The following CHRNA7 variants were observed in gnomAD, a reference collection of about 807,000 sequenced individuals.
CHRNA7 encodes neuronal acetylcholine receptor subunit alpha-7.
A neutral mutation model predicts 48.0 loss-of-function variants in CHRNA7; 17 were observed. The observed-to-expected ratio is 0.35, with a 90% CI of 0.24 to 0.53. CHRNA7 has a LOEUF of 0.53. Among genes scored for constraint, CHRNA7 ranks in the 20% least tolerant of loss-of-function variants. The pLI is 0.92. For synonymous variants in CHRNA7, 75 were observed against 242.3 expected, an observed-to-expected ratio of 0.31 and a Z score of 6.41; for missense variants, 155 against 577.7, an observed-to-expected ratio of 0.27 and a Z score of 7.50.
intron 3 of CHRNA7, among the ~76,000 whole-genome samples, chr15:32,105,053 A>C (rs1442619992): frequency 6.6e-6 from 1 of 152,228 alleles, no homozygotes; most frequent in Non-Finnish European, 1.5e-5. Context: ...TGGAATTCAG[A>C]TGCTCCACAA....
chr15:32,143,374 G>A (rs1459145303), intron 4 of CHRNA7, among the ~76,000 whole-genome samples: 1 of 152,210 alleles, frequency 6.6e-6, no homozygotes, highest in East Asian at 1.9e-4. Flanking sequence ...GTGCAATGTG[G>A]TGCTGAGAAG....
intron 5 of CHRNA7, among the ~76,000 whole-genome samples, chr15:32,154,603 G>A (rs1434130712): frequency 3.7e-5 from 1 of 27,300 alleles, no homozygotes; most frequent in East Asian, 1.2e-3. Context: ...AGGGAAATGG[G>A]TTTATGGCCT....
chr15:32,094,854 G>A lies in CHRNA7; in HGVS notation c.196-6449G>A, dbSNP rs182031688. On this transcript the variant is annotated intron_variant, in intron 2 of 9. Coordinates refer to ENST00000306901, the MANE Select transcript of CHRNA7 (RefSeq NM_000746.6). ...TTTTTGTATTTTTATTAGAGACGGG[G>A]TTTCACCATGGTCTTGATCTCCTGG... 1.6e-3 allele frequency among the ~76,000 whole-genome samples: 245 copies of A among 152,196 alleles called. 1 individual carries two copies. The highest frequency in any genetic ancestry group is 5.5e-3 in the African/African-American group (229 of 41,536).
chr15:32,110,312 G>C (rs1449165696), intron 3 of CHRNA7, among the ~76,000 whole-genome samples: 1 of 152,178 alleles, frequency 6.6e-6, no homozygotes, highest in Non-Finnish European at 1.5e-5. Context: ...AAGACAACTA[G>C]GACAAGACCC....
intron 2 of CHRNA7, among the ~76,000 whole-genome samples, chr15:32,049,440 T>C (rs1037896840): frequency 2.6e-5 from 4 of 152,158 alleles, no homozygotes; most frequent in South Asian, 2.1e-4. Context: ...TGGTTTAAAG[T>C]CTGTTTTATC....
In CHRNA7 at chr15:32,138,731, A is replaced by T. The variant is rs28637819; in HGVS notation, c.351-15176A>T. 2.4e-4 allele frequency among the ~76,000 whole-genome samples: 35 copies of T among 146,220 alleles called. No individual in the cohort carries two copies. The East Asian group carries it at 4.3e-3, about 18-fold the overall frequency. Reference sequence around the variant, plus strand: ...AATCCATGGCAGCCATTGACCTGTTATGTTTTGTTTTGTTTTGTTTTGTTT... The same window carrying T: ...AATCCATGGCAGCCATTGACCTGTTTTGTTTTGTTTTGTTTTGTTTTGTTT... On this transcript the variant is annotated intron_variant, in intron 4 of 9. Transcript: ENST00000306901.
chr15:32,110,399 G>C (rs1170515343), intron 3 of CHRNA7, among the ~76,000 whole-genome samples: 1 of 152,204 alleles, frequency 6.6e-6, no homozygotes, highest in Admixed American at 6.5e-5. Context: ...GGCAGCTGTC[G>C]ATCCTGAATG....
chr15:32,130,164 C>G (rs1332842566), intron 4 of CHRNA7, among the ~76,000 whole-genome samples: 1 of 151,956 alleles, frequency 6.6e-6, no homozygotes, highest in Non-Finnish European at 1.5e-5. Flanking sequence ...TGTTGGTAGA[C>G]AGTTTCCTAA....
chr15:32,044,163 C>T (rs533071285), intron 2 of CHRNA7, among the ~76,000 whole-genome samples: 13 of 152,142 alleles, frequency 8.5e-5, no homozygotes, highest in African/African-American at 2.9e-4. Context: ...TTTGTTTTAC[C>T]TGCTTGGGAT....
intron 2 of CHRNA7, among the ~76,000 whole-genome samples, chr15:32,050,478 C>G (rs969770072): frequency 2.0e-5 from 3 of 152,174 alleles, no homozygotes; most frequent in African/African-American, 7.2e-5. Flanking sequence ...AGTTCTCGAG[C>G]CTTGGCTTTC....
intron 4 of CHRNA7, among the ~76,000 whole-genome samples, chr15:32,147,206 A>G (rs903248778): frequency 6.6e-6 from 1 of 152,214 alleles, no homozygotes; most frequent in African/African-American, 2.4e-5. Context: ...CTGGGTACTC[A>G]TGGACATAAA....
In CHRNA7 at chr15:32,065,253, A is replaced by G. The variant is rs549936944; in HGVS notation, c.195+34216A>G. Among the ~76,000 whole-genome samples the G allele has an allele frequency of 8.5e-5, 13 of 152,302 alleles. No individual in the cohort carries two copies. In the East Asian group the frequency reaches 1.7e-3, roughly 20 times the overall value. ...CCTTGAATCTGCAATTCAGGCTGCAATCATGATGAAACCATCAGCCTTTCT... is the reference window on the plus strand; with the variant it reads ...CCTTGAATCTGCAATTCAGGCTGCAGTCATGATGAAACCATCAGCCTTTCT... On this transcript the variant is annotated intron_variant, in intron 2 of 9. Transcript: ENST00000306901.
chr15:32,066,960 G>A (rs775826116), intron 2 of CHRNA7, among the ~76,000 whole-genome samples: 8 of 152,074 alleles, frequency 5.3e-5, no homozygotes, highest in Admixed American at 1.3e-4. Context: ...ACTTAAAGAC[G>A]GATCAACTGA....
intron 2 of CHRNA7, among the ~76,000 whole-genome samples, chr15:32,036,566 C>T (rs1285506498): frequency 6.6e-6 from 1 of 152,138 alleles, no homozygotes; most frequent in Non-Finnish European, 1.5e-5. Context: ...AATGAGAGCC[C>T]CTGTTGCCCT....
At chr15:32,071,830 T>G (rs1294336128) in intron 2 of CHRNA7, among the ~76,000 whole-genome samples, 4 of 150,602 alleles carry the variant, frequency 2.7e-5, no homozygotes, top group African/African-American at 9.7e-5. Flanking sequence ...TAAGCCTCTT[T>G]TTTTTTTTTT....
chr15:32,151,965 G>A (rs1312641348), intron 4 of CHRNA7, among the ~76,000 whole-genome samples: 1 of 152,162 alleles, frequency 6.6e-6, no homozygotes, highest in Non-Finnish European at 1.5e-5. Context: ...AAAATGAGGG[G>A]AGCTTTACTC....
Position 32,149,938 on chromosome 15 carries a change from A to G in CHRNA7, c.351-3969A>G, listed in dbSNP as rs1303201784. 6.6e-6 allele frequency among the ~76,000 whole-genome samples: 1 copy of G among 152,158 alleles called. No homozygotes were observed. The highest frequency in any genetic ancestry group is 1.5e-5 in the Non-Finnish European group (1 of 68,036). ...CTCAGTCTTGATTATAAATATGAAAATCAGACAGGAAGAAACCCAAGCTTA... is the reference window on the plus strand; with the variant it reads ...CTCAGTCTTGATTATAAATATGAAAGTCAGACAGGAAGAAACCCAAGCTTA... On this transcript the variant is annotated intron_variant, in intron 4 of 9. Transcript: ENST00000306901. The surrounding 1 kb of genome is among the most constrained non-coding windows in gnomAD (Gnocchi z 4.6).
intron 2 of CHRNA7, among the ~76,000 whole-genome samples, chr15:32,045,065 G>C (rs1186014967): frequency 2.0e-5 from 3 of 152,152 alleles, no homozygotes; most frequent in African/African-American, 7.2e-5. Context: ...GATATTGCAT[G>C]CTTTAGTGTT....
intron 2 of CHRNA7, among the ~76,000 whole-genome samples, chr15:32,045,997 C>A (rs1278805446): frequency 6.6e-6 from 1 of 151,282 alleles, no homozygotes; most frequent in Non-Finnish European, 1.5e-5. Context: ...AGGACATGAA[C>A]TCATCATTTT....
Sources: allele counts gnomAD v4.1 joint callset (sites outside exome capture counted in the v4.1 genomes callset), GRCh38; gene constraint gnomAD v4.1.1; non-coding constraint Gnocchi (gnomAD v3.1); transcripts MANE v1.5; gene names NCBI Gene and HGNC (gene_info 2026-07-23, HGNC 2026-07-21).